DLG4: variants seen among roughly 807,000 people sequenced by gnomAD.
The protein encoded by DLG4 is disks large homolog 4.
A neutral mutation model predicts 93.8 loss-of-function variants in DLG4; 7 were observed. That is an observed-to-expected ratio of 0.07 (90% CI 0.04 to 0.14). DLG4 has a LOEUF of 0.14. Ranked by LOEUF, DLG4 falls within the 10% of genes least tolerant of loss-of-function variation. The pLI, the probability that DLG4 is intolerant of heterozygous loss-of-function variation, is 1.00. For synonymous variants in DLG4, 341 were observed against 387.6 expected, an observed-to-expected ratio of 0.88 and a Z score of 1.41; for missense variants, 545 against 992.9, an observed-to-expected ratio of 0.55 and a Z score of 6.06.
chr17:7,196,144 G>A lies in DLG4; in HGVS notation c.1301+76C>T, dbSNP rs748834838. On this transcript the variant is annotated intron_variant, in intron 11 of 19. Transcript: ENST00000399506. This position sits in a 1 kb window ranked among gnomAD's most constrained non-coding sequence, Gnocchi z 8.3. ...AGCAGGCAGGGTGGAGAAGAGGAGC[G>A]GCTGAGGCCCGGGCCAGGCACAGAG... The A allele has an allele frequency of 1.8e-4, 206 of 1,124,042 alleles. No individual in the cohort carries two copies. Among genetic ancestry groups the A allele is most frequent in the Non-Finnish European group, 2.5e-4 (194 of 776,510 alleles). 69.6% of individuals were successfully genotyped at this position (1,124,042 alleles called of 1,614,324 possible). A position where few individuals can be genotyped will look rare whatever the true frequency, so the allele number is the denominator to read the frequency against.
rs1427272185 is a variant in DLG4 at position 7,203,409 on chromosome 17, A to C, written c.505+15T>G. 4.4e-6 allele frequency: 7 copies of C among 1,597,726 alleles called. No individual in the cohort carries two copies. The highest frequency in any genetic ancestry group is 6.0e-6 in the Non-Finnish European group (7 of 1,166,692). The stretch of plus-strand genomic sequence containing the variant: ...GGACAGTTGGGATGGGGGTGGGAAC[A>C]AAATGAGTTACTACCTTTAGGCCCC... On this transcript the variant is annotated intron_variant, in intron 6 of 19. Transcript: ENST00000399506. The surrounding 1 kb of genome is among the most constrained non-coding windows in gnomAD (Gnocchi z 7.2).
At chr17:7,198,930 C>A (rs1400332933) in intron 8 of DLG4, among the ~76,000 whole-genome samples, 2 of 151,002 alleles carry the variant, frequency 1.3e-5, no homozygotes, top group Non-Finnish European at 3.0e-5. Flanking sequence ...GTGGGAGGAT[C>A]GCTTGAGCCC....
At position 7,196,306 on chromosome 17, in the gene DLG4, G is replaced by T; in HGVS notation, c.1215C>A (p.His405Gln). The T allele has an allele frequency of 6.2e-7, 1 of 1,614,008 alleles. No homozygotes were observed. Among genetic ancestry groups the T allele is most frequent in the African/African-American group, 1.3e-5 (1 of 75,052 alleles). ...EEYSRFEAKI[H>Q]DLREQLMNSS... is the part of the protein sequence containing the mutation. ...TGTTCATGAGCTGTTCCCGAAGGTC[G>T]TGGATCTTGGCCTCGAATCGGCTGT... The change falls in exon 11 of 20, where the codon CAC becomes CAA. Residue 405 changes from histidine (H) to glutamine (Q), a missense_variant. His to Gln is a conservative substitution (Grantham distance 24). Transcript: ENST00000399506. The surrounding 1 kb of genome is among the most constrained non-coding windows in gnomAD (Gnocchi z 8.3).
At position 7,194,405 on chromosome 17, in the gene DLG4, A is replaced by G. The variant is rs1442276970; in HGVS notation, c.1392T>C (p.Asp464=). The G allele has an allele frequency of 6.2e-7, 1 of 1,613,074 alleles. No individual in the cohort carries two copies. The highest frequency in any genetic ancestry group is 8.5e-7 in the Non-Finnish European group (1 of 1,179,588). Reference sequence around the variant, plus strand: ...CCTGCCACCACTCCTCATCACTAGCATCGATGACATGCAGCACATCCCCAA... The same window carrying G: ...CCTGCCACCACTCCTCATCACTAGCGTCGATGACATGCAGCACATCCCCAA... ...FRFGDVLHVI[D]ASDEEWWQAR... The change falls in exon 12 of 20, where the codon GAT becomes GAC. Residue 464 remains aspartate (D), a synonymous_variant. Transcript: ENST00000399506. This position sits in a 1 kb window ranked among gnomAD's most constrained non-coding sequence, Gnocchi z 4.4.
Position 7,208,022 on chromosome 17 carries a change from AGCTCCGAG to A in DLG4, c.96+144_96+151del. 1 of 1,223,280 alleles carries A rather than the reference AGCTCCGAG, an allele frequency of 8.2e-7. No individual in the cohort carries two copies. The highest frequency in any genetic ancestry group is 1.0e-6 in the Non-Finnish European group (1 of 971,620). The allele number at this position is 1,223,280 out of a possible 1,614,324, so 75.8% of individuals were successfully genotyped here. A position where few individuals can be genotyped will look rare whatever the true frequency, so the allele number is the denominator to read the frequency against. On this transcript the variant is annotated intron_variant, in intron 2 of 19. Transcript: ENST00000399506. This position sits in a 1 kb window ranked among gnomAD's most constrained non-coding sequence, Gnocchi z 5.4. ...CCTACCGGCCCTTAGGGATTGCTGC[AGCTCCGAG>A]GCTCCGAGGGCCGCACTGGGGAGGG... is the stretch of plus-strand genomic sequence containing the variant.
chr17:7,208,338 C>G lies in DLG4; in HGVS notation c.31-99G>C. The G allele has an allele frequency of 8.9e-7, 1 of 1,124,070 alleles. No individual in the cohort carries two copies. 69.6% of individuals were successfully genotyped at this position (1,124,070 alleles called of 1,614,324 possible). A position where few individuals can be genotyped will look rare whatever the true frequency, so the allele number is the denominator to read the frequency against. ...GCCTCTTCCCCCAGCCAGTGCAGTGCGGAAGGCCCTGGGGCCTGACCAGCT... is the reference window on the plus strand; with the variant it reads ...GCCTCTTCCCCCAGCCAGTGCAGTGGGGAAGGCCCTGGGGCCTGACCAGCT... On this transcript the variant is annotated intron_variant, in intron 1 of 19. Transcript: ENST00000399506. This position sits in a 1 kb window ranked among gnomAD's most constrained non-coding sequence, Gnocchi z 5.4.
At position 7,188,774 on chromosome 17, in the gene DLG4, T is replaced by C. The variant is rs2069361753; in HGVS notation, c.*1934A>G. 6.6e-6 allele frequency among the ~76,000 whole-genome samples: 1 copy of C among 152,180 alleles called. No homozygotes were observed. The highest frequency in any genetic ancestry group is 2.1e-4 in the South Asian group (1 of 4,830). On this transcript the variant is annotated 3_prime_UTR_variant, in exon 20 of 20. Coordinates refer to ENST00000399506, the MANE Select transcript of DLG4 (RefSeq NM_001321075.3). Reference sequence around the variant, plus strand: ...TTTGGCATTTAGATTCTTATTTTCCTACCCTCATTATTTACAAAGCTGCCT... The same window carrying C: ...TTTGGCATTTAGATTCTTATTTTCCCACCCTCATTATTTACAAAGCTGCCT...
chr17:7,214,948 G>A (rs1263684012), intron 1 of DLG4, among the ~76,000 whole-genome samples: 2 of 152,166 alleles, frequency 1.3e-5, no homozygotes, highest in Admixed American at 6.5e-5. Flanking sequence ...AATGAAAGAT[G>A]GAAGACTCAG....
rs1597453198 is a variant in DLG4, at chr17:7,196,705, G to A, written c.1083+52C>T. 1.8e-5 allele frequency: 28 copies of A among 1,579,738 alleles called. No homozygotes were observed. The highest frequency in any genetic ancestry group is 4.6e-5 in the East Asian group (2 of 43,196). On this transcript the variant is annotated intron_variant, in intron 9 of 19. Transcript: ENST00000399506. This position sits in a 1 kb window ranked among gnomAD's most constrained non-coding sequence, Gnocchi z 8.3. ...CCAGGCCCCTCCCCAAGAGCTCTGCGCTCTGCCCTGTGGGGAGGGGGTGGT... is the reference window on the plus strand; with the variant it reads ...CCAGGCCCCTCCCCAAGAGCTCTGCACTCTGCCCTGTGGGGAGGGGGTGGT...
Position 7,187,271 on chromosome 17 carries a change from G to A in DLG4, c.*3437C>T, listed in dbSNP as rs915964134. On this transcript the variant is annotated 3_prime_UTR_variant, in exon 20 of 20. Transcript: ENST00000399506. ...ATAATGCATGCAGGCCAGGCGCGGT[G>A]GCTCATGCCTGTAATCCTAGCACTT... Among the ~76,000 whole-genome samples the A allele has an allele frequency of 7.0e-6, 1 of 143,168 alleles. No homozygotes were observed. The highest frequency in any genetic ancestry group is 1.5e-5 in the Non-Finnish European group (1 of 65,738). The allele number at this position is 143,168 out of a possible 152,430, so 93.9% of individuals were successfully genotyped here. A position where few individuals can be genotyped will look rare whatever the true frequency, so the allele number is the denominator to read the frequency against.
At chr17:7,215,567 C>T (rs189492571) in intron 1 of DLG4, among the ~76,000 whole-genome samples, 6 of 152,270 alleles carry the variant, frequency 3.9e-5, no homozygotes, top group African/African-American at 1.2e-4. Context: ...GAAACTGAGG[C>T]ATAAAAATCC....
At chr17:7,217,920 G>A, upstream of DLG4, 2 of 1,180,684 alleles carry the variant, frequency 1.7e-6, no homozygotes, top group African/African-American at 3.0e-5. Context: ...GCGGTAGGGG[G>A]TCGGGTGTGA....
At chr17:7,199,992 AAAAG>A (rs1567536762) in intron 8 of DLG4, among the ~76,000 whole-genome samples, 1 of 151,814 alleles carries the variant, frequency 6.6e-6, no homozygotes, top group Non-Finnish European at 1.5e-5. Context: ...AAAAAAAAAA[AAAAG>A]AAAAGAAAAA....
chr17:7,202,822 C>A, intron 8 of DLG4, 81 bp downstream of exon 8: 3 of 1,556,440 alleles, frequency 1.9e-6, no homozygotes, highest in Non-Finnish European at 8.9e-7. Flanking sequence ...AGAGGGACAG[C>A]TACAGGGATG....
At position 7,190,443 on chromosome 17, in the gene DLG4, G is replaced by A. The variant is rs1033781206; in HGVS notation, c.*265C>T. ...GTGCATTGGGGGCAGGTGGGGGCGG[G>A]GATCCTAAGGAGCAAGGGCTCGGAA... On this transcript the variant is annotated 3_prime_UTR_variant, in exon 20 of 20. Transcript: ENST00000399506. 6.3e-6 allele frequency: 3 copies of A among 478,680 alleles called. No individual in the cohort carries two copies. The highest frequency in any genetic ancestry group is 1.1e-5 in the Non-Finnish European group (3 of 261,906). The allele number at this position is 478,680 out of a possible 1,614,324, so 29.7% of individuals were successfully genotyped here.
At chr17:7,210,959 G>A (rs557201520) in intron 1 of DLG4, among the ~76,000 whole-genome samples, 20 of 151,946 alleles carry the variant, frequency 1.3e-4, no homozygotes, top group Non-Finnish European at 2.6e-4. Flanking sequence ...GTGGTGTCTG[G>A]CACTGAAGAA....
chr17:7,192,901 G>C (rs1290456511), intron 17 of DLG4, 44 bp downstream of exon 17: 2 of 1,548,144 alleles, frequency 1.3e-6, no homozygotes, highest in African/African-American at 2.7e-5. Flanking sequence ...AGTGGGGTGG[G>C]GAGAGGGGAG....
At chr17:7,204,596 G>A (rs2142891163) in intron 2 of DLG4, among the ~76,000 whole-genome samples, 1 of 151,986 alleles carries the variant, frequency 6.6e-6, no homozygotes, top group African/African-American at 2.4e-5. Context: ...AGGGGGGTAG[G>A]CTTGGGGGAA....
At chr17:7,214,887 G>A (rs1221344312) in intron 1 of DLG4, among the ~76,000 whole-genome samples, 1 of 152,242 alleles carries the variant, frequency 6.6e-6, no homozygotes, top group African/African-American at 2.4e-5. Flanking sequence ...CACGCAGTAG[G>A]CTTTCAATAA....
Sources: allele counts gnomAD v4.1 joint callset (sites outside exome capture counted in the v4.1 genomes callset), GRCh38; gene constraint gnomAD v4.1.1; non-coding constraint Gnocchi (gnomAD v3.1); transcripts MANE v1.5; gene names NCBI Gene and HGNC (gene_info 2026-07-23, HGNC 2026-07-21).